ZFAND2A: variants seen among roughly 807,000 people sequenced by gnomAD.
The protein encoded by ZFAND2A is zinc finger AN1-type containing 2A, also known as AN1-type zinc finger protein 2A.
ZFAND2A carries 20 observed loss-of-function variants against 11.6 expected under a neutral mutation model. The observed-to-expected ratio is 1.72, with a 90% CI of 1.21 to 2.50. The LOEUF is 2.50. ZFAND2A is among the 30% of genes most tolerant of loss of function. The pLI is 0.00. For synonymous variants in ZFAND2A, 93 were observed against 60.6 expected (o/e 1.54, Z -2.48); for missense variants, 234 against 182.9 (o/e 1.28, Z -1.61).
At chr7:1,150,323 GA>G (rs973234370), downstream of ZFAND2A, among the ~76,000 whole-genome samples, 1,092 of 148,224 alleles carry the variant, frequency 7.4e-3, 8 homozygotes, top group African/African-American at 0.026. Context: ...GGTGAAAGCA[GA>G]AAAAAAAAAG....
At chr7:1,157,856 G>C in intron 2 of ZFAND2A, 106 bp from the exon 3 acceptor site, 2 of 860,532 alleles carry the variant, frequency 2.3e-6, no homozygotes, top group Non-Finnish European at 1.8e-6. Flanking sequence ...CCTATGAGAT[G>C]GACAGGTCCT....
chr7:1,152,111 G>A, downstream of ZFAND2A: 2 of 1,197,476 alleles, frequency 1.7e-6, no homozygotes, highest in Admixed American at 2.9e-5. Flanking sequence ...CCAGTCCTGT[G>A]TCCTTCATCC....
At chr7:1,159,249 A>C (rs1793614227) in intron 1 of ZFAND2A, among the ~76,000 whole-genome samples, 2 of 152,230 alleles carry the variant, frequency 1.3e-5, no homozygotes, top group South Asian at 2.1e-4. Context: ...CAAGGAATTC[A>C]CAAGAGTTTG....
intron 1 of ZFAND2A, among the ~76,000 whole-genome samples, chr7:1,159,085 C>A (rs1793608463): frequency 1.3e-5 from 2 of 152,160 alleles, no homozygotes; most frequent in African/African-American, 4.8e-5. Context: ...TTCCCACCCT[C>A]CCCAGTTCCC....
At chr7:1,157,627 G>A in intron 3 of ZFAND2A, 29 bp downstream of exon 3, 1 of 1,567,636 alleles carries the variant, frequency 6.4e-7, no homozygotes, top group Non-Finnish European at 8.6e-7. Context: ...CGGTGAAGAT[G>A]AGAATCTTTT....
chr7:1,148,923 C>G (rs1477284260), downstream of ZFAND2A, among the ~76,000 whole-genome samples: 1 of 148,920 alleles, frequency 6.7e-6, no homozygotes, highest in African/African-American at 2.5e-5. Flanking sequence ...GCCTTGACGT[C>G]TCCTGAGTAA....
chr7:1,149,467 G>A (rs988306967), downstream of ZFAND2A, among the ~76,000 whole-genome samples: 7 of 152,166 alleles, frequency 4.6e-5, no homozygotes, highest in African/African-American at 1.2e-4. Flanking sequence ...GCACCCTCCC[G>A]TAAGGAGCCC....
intron 3 of ZFAND2A, 161 bp from the exon 4 acceptor site, chr7:1,155,745 G>C: frequency 1.2e-6 from 1 of 844,248 alleles, no homozygotes. Context: ...TCATGGATTA[G>C]CGGCAGCCAT....
chr7:1,152,855 C>G (rs1179900450), downstream of ZFAND2A: 2 of 764,750 alleles, frequency 2.6e-6, no homozygotes, highest in Non-Finnish European at 2.2e-6. Flanking sequence ...TTTGAGCCAC[C>G]CAGTTTTTAG....
At chr7:1,158,785 A>C (rs1315991966) in intron 1 of ZFAND2A, among the ~76,000 whole-genome samples, 2 of 152,218 alleles carry the variant, frequency 1.3e-5, no homozygotes, top group African/African-American at 4.8e-5. Flanking sequence ...CTGTTAAGTC[A>C]CTATGGAAAA....
chr7:1,153,026 G>A lies in ZFAND2A; in HGVS notation c.*43C>T, dbSNP rs777909295. The A allele has an allele frequency of 5.0e-6, 8 of 1,612,338 alleles. No individual in the cohort carries two copies. The Admixed American group carries it at 5.0e-5, about 10-fold the overall frequency. ...CCACTAGAGTGTAAGCTGCTTCCAC[G>A]CATGCTACTGCGTGCTCCGAGCCAT... On this transcript the variant is annotated 3_prime_UTR_variant, in exon 5 of 5. Transcript: ENST00000316495.
chr7:1,152,281 G>A (rs767162519), downstream of ZFAND2A: 7 of 1,582,964 alleles, frequency 4.4e-6, no homozygotes, highest in East Asian at 2.3e-5. Flanking sequence ...GGGCCAGCCC[G>A]CCAGGAGCCA....
chr7:1,150,878 C>T (rs1793384859), downstream of ZFAND2A, among the ~76,000 whole-genome samples: 3 of 144,932 alleles, frequency 2.1e-5, no homozygotes, highest in South Asian at 4.3e-4. Context: ...TGGCTGCTGA[C>T]AACTGTGCCT....
At chr7:1,155,030 A>G (rs1275653958) in intron 4 of ZFAND2A, among the ~76,000 whole-genome samples, 1 of 152,216 alleles carries the variant, frequency 6.6e-6, no homozygotes, top group East Asian at 1.9e-4. Context: ...AGACAGGAGA[A>G]TCGCTTTAAC....
At chr7:1,156,602 G>C (rs979094437) in intron 3 of ZFAND2A, among the ~76,000 whole-genome samples, 2 of 151,862 alleles carry the variant, frequency 1.3e-5, no homozygotes, top group Admixed American at 6.6e-5. Flanking sequence ...GGGGTGGACC[G>C]CCCAGCAGCT....
At chr7:1,155,655 A>C in intron 3 of ZFAND2A, 71 bp from the exon 4 acceptor site, 1 of 1,565,198 alleles carries the variant, frequency 6.4e-7, no homozygotes, top group Non-Finnish European at 8.7e-7. Context: ...TTAAACGAGT[A>C]CTCCTGTGCG....
At chr7:1,153,945 AAAAG>A (rs148055582) in intron 4 of ZFAND2A, among the ~76,000 whole-genome samples, 2,826 of 152,092 alleles carry the variant, frequency 0.019, 94 homozygotes, top group East Asian at 0.17. Flanking sequence ...CGTCCCTTTA[AAAAG>A]AAAGAAAAAA....
At chr7:1,153,920 G>A (rs1025531001) in intron 4 of ZFAND2A, among the ~76,000 whole-genome samples, 3 of 152,062 alleles carry the variant, frequency 2.0e-5, no homozygotes, top group South Asian at 2.1e-4. Flanking sequence ...CAGCCTGGGC[G>A]ACAGAGCAAG....
Position 1,155,579 on chromosome 7 carries a change from A to C in ZFAND2A, c.156T>G (p.Val52=), listed in dbSNP as rs1133116. 0.16 allele frequency: 264,611 copies of C among 1,610,804 alleles called. 22,975 individuals carry two copies. Among genetic ancestry groups the C allele is most frequent in the Middle Eastern group, 0.26 (1,577 of 6,048 alleles). Residue 52 remains valine, a synonymous_variant, in exon 4 of 5, where the codon GTT becomes GTG. Transcript: ENST00000316495. ...TACAGAGTGGGCATACTGGGACGTG[A>C]ACATCCTAAAAATAACAAAGGTAAG... ...HKCPFAFQKD[V]HVPVCPLCNT...
Sources: allele counts gnomAD v4.1 joint callset (sites outside exome capture counted in the v4.1 genomes callset), GRCh38; gene constraint gnomAD v4.1.1; transcripts MANE v1.5; gene names NCBI Gene and HGNC (gene_info 2026-07-23, HGNC 2026-07-21).